Variants in ADCY1 observed in about 807,000 individuals in gnomAD.
ADCY1 encodes the protein adenylate cyclase 1.
ADCY1 carries 28 observed loss-of-function variants against 105.4 expected under a neutral mutation model. The observed-to-expected ratio is 0.27, with a 90% CI of 0.20 to 0.36. The LOEUF (loss-of-function observed/expected upper bound fraction) is 0.36. Ranked by LOEUF, ADCY1 falls within the 10% of genes least tolerant of loss-of-function variation. The probability of loss-of-function intolerance (pLI) is 1.00; values close to 1 mark genes in which losing one functional copy is unlikely to be tolerated. For synonymous variants in ADCY1, 655 were observed against 623.8 expected (o/e 1.05, Z -0.75); for missense variants, 977 against 1,434.2 (o/e 0.68, Z 5.15).
Position 45,714,007 on chromosome 7 carries a change from T to C in ADCY1, c.*12T>C. The C allele has an allele frequency of 1.3e-6, 1 of 768,060 alleles. No homozygotes were observed. The highest frequency in any genetic ancestry group is 2.4e-6 in the Non-Finnish European group (1 of 410,592). 47.6% of individuals were successfully genotyped at this position (768,060 alleles called of 1,614,324 possible). On this transcript the variant is annotated 3_prime_UTR_variant, in exon 20 of 20. Transcript: ENST00000297323. Reference sequence around the variant, plus strand: ...GGAAGGAGGCTTAGTGGAGCCCACGTGGGCCTCTGGGGTGCACATGGGGTG... The same window carrying C: ...GGAAGGAGGCTTAGTGGAGCCCACGCGGGCCTCTGGGGTGCACATGGGGTG...
rs2116306241 is a variant in ADCY1 at position 45,720,013 on chromosome 7, G to C, written c.*6018G>C. The C allele has an allele frequency of 6.6e-6, 1 of 151,834 alleles. No homozygotes were observed. Among genetic ancestry groups the C allele is most frequent in the East Asian group, 1.9e-4 (1 of 5,170 alleles). 9.4% of individuals were successfully genotyped at this position (151,834 alleles called of 1,614,324 possible). On this transcript the variant is annotated 3_prime_UTR_variant, in exon 20 of 20. Transcript: ENST00000297323. Reference sequence around the variant, plus strand: ...GGGTTCTCGGTGTGCAGAGGCTGTAGAGAGAGCCTCAGGGCGGTGACCGCT... The same window carrying C: ...GGGTTCTCGGTGTGCAGAGGCTGTACAGAGAGCCTCAGGGCGGTGACCGCT...
intron 12 of ADCY1, 127 bp from the exon 13 acceptor site, chr7:45,685,835 A>G: frequency 8.3e-7 from 1 of 1,203,884 alleles, no homozygotes; most frequent in Non-Finnish European, 1.1e-6. Flanking sequence ...GCTTGGTGTG[A>G]TAGCACTGGG....
At chr7:45,711,941 A>AAATATATTATATATTATATTAAATATAT in intron 19 of ADCY1, among the ~76,000 whole-genome samples, 1 of 111,618 alleles carries the variant, frequency 9.0e-6, no homozygotes, top group Non-Finnish European at 1.7e-5. Flanking sequence ...TTAAATATAT[A>AAATATATTATATATTATATTAAATATAT]AATACATATT....
intron 2 of ADCY1, among the ~76,000 whole-genome samples, chr7:45,607,383 A>G (rs2115846914): frequency 6.6e-6 from 1 of 151,928 alleles, no homozygotes. Context: ...TCTGGCTGTT[A>G]TGACTGTGTT....
chr7:45,694,465 C>A (rs1784844764), intron 14 of ADCY1, among the ~76,000 whole-genome samples: 1 of 152,070 alleles, frequency 6.6e-6, no homozygotes, highest in Non-Finnish European at 1.5e-5. Flanking sequence ...TCAGCTAAAG[C>A]AGTACTTGGA....
rs180849103 is a variant in ADCY1 at position 45,681,310 on chromosome 7, G to A, written c.1983+1517G>A. Among the ~76,000 whole-genome samples, 13 of 152,274 alleles carry A rather than the reference G, an allele frequency of 8.5e-5. No individual in the cohort carries two copies. The East Asian group carries it at 2.3e-3, about 27-fold the overall frequency. ...TGCTGACATTAAAGGAGGCTAGCCT[G>A]CAGTTATCCCATGAAGCTTCTTCTG... is the stretch of plus-strand genomic sequence containing the variant. On this transcript the variant is annotated intron_variant, in intron 11 of 19. Coordinates refer to ENST00000297323, the MANE Select transcript of ADCY1 (RefSeq NM_021116.4).
chr7:45,665,187 TAATC>T (rs1287459944), intron 8 of ADCY1, among the ~76,000 whole-genome samples: 2 of 152,266 alleles, frequency 1.3e-5, no homozygotes, highest in Non-Finnish European at 2.9e-5. Context: ...ACCATTTACT[TAATC>T]AACCTCCATT....
At chr7:45,642,219 A>G (rs904720514) in intron 4 of ADCY1, among the ~76,000 whole-genome samples, 6 of 152,108 alleles carry the variant, frequency 3.9e-5, no homozygotes, top group African/African-American at 1.2e-4. Context: ...GTTTCAGGGT[A>G]AGGAAGGGGT....
intron 1 of ADCY1, among the ~76,000 whole-genome samples, 172 bp from the exon 2 acceptor site, chr7:45,592,587 T>C (rs984940913): frequency 1.3e-5 from 2 of 152,084 alleles, no homozygotes; most frequent in African/African-American, 4.8e-5. Flanking sequence ...CCGGACAGGG[T>C]GAGGACGAGC....
At position 45,710,950 on chromosome 7, in the gene ADCY1, C is replaced by T. The variant is rs561904563; in HGVS notation, c.3057+298C>T. Reference sequence around the variant, plus strand: ...AGCAGCCTGGTGGCTCTCATTCACTCTGCACATCCCAGGACTCCGGACTCC... The same window carrying T: ...AGCAGCCTGGTGGCTCTCATTCACTTTGCACATCCCAGGACTCCGGACTCC... On this transcript the variant is annotated intron_variant, in intron 19 of 19. Coordinates refer to ENST00000297323, the MANE Select transcript of ADCY1 (RefSeq NM_021116.4). The surrounding 1 kb of genome is among the most constrained non-coding windows in gnomAD (Gnocchi z 4.7). Among the ~76,000 whole-genome samples, 9 of 152,264 alleles carry T rather than the reference C, an allele frequency of 5.9e-5. No homozygotes were observed. The South Asian group carries it at 1.7e-3, about 28-fold the overall frequency.
At chr7:45,605,704 A>G (rs1793355367) in intron 2 of ADCY1, among the ~76,000 whole-genome samples, 1 of 152,170 alleles carries the variant, frequency 6.6e-6, no homozygotes, top group Admixed American at 6.6e-5. Context: ...GCTATCTTGT[A>G]AAAGACTTTT....
chr7:45,673,964 C>CATATATATATATAT (rs58025464), intron 8 of ADCY1, among the ~76,000 whole-genome samples: 4 of 115,142 alleles, frequency 3.5e-5, no homozygotes, highest in African/African-American at 8.1e-5. Flanking sequence ...TTCAGATGAG[C>CATATATATATATAT]ATATATATAT....
At position 45,592,040 on chromosome 7, in the gene ADCY1, G is replaced by C. The variant is rs575340161; in HGVS notation, c.640-719G>C. 7.3e-5 allele frequency among the ~76,000 whole-genome samples: 11 copies of C among 150,846 alleles called. No individual in the cohort carries two copies. The South Asian group carries it at 1.9e-3, about 26-fold the overall frequency. ...GTGTCCCCAAATCAACATCTGGGCT[G>C]TTTTCGTTTTTTGTTTTTTTTTTTT... On this transcript the variant is annotated intron_variant, in intron 1 of 19. Transcript: ENST00000297323.
intron 19 of ADCY1, among the ~76,000 whole-genome samples, chr7:45,712,783 G>C (rs1475936053): frequency 6.6e-6 from 1 of 152,180 alleles, no homozygotes; most frequent in African/African-American, 2.4e-5. Context: ...AGAGATACCA[G>C]TCATGTCCTC....
intron 14 of ADCY1, among the ~76,000 whole-genome samples, chr7:45,700,538 G>T (rs994264263): frequency 1.3e-5 from 2 of 152,194 alleles, no homozygotes; most frequent in Non-Finnish European, 2.9e-5. Context: ...CGCAAAGAGG[G>T]GTGTGTGCAC....
In ADCY1 at chr7:45,574,983, G is replaced by C. The variant is rs761877943; in HGVS notation, c.440G>C (p.Arg147Pro). The C allele has an allele frequency of 1.9e-6, 3 of 1,610,944 alleles. No homozygotes were observed. The highest frequency in any genetic ancestry group is 2.2e-5 in the East Asian group (1 of 44,820). ...CCPFALGGPA[R>P]GSAGAAGGPA... ...CCTTTCGCGCTGGGCGGCCCCGCCC[G>C]GGGTTCCGCCGGGGCCGCTGGGGGG... Residue 147 changes from arginine (R) to proline (P), a missense_variant, in exon 1 of 20, where the codon CGG becomes CCG. Physicochemically the swap from Arg to Pro is moderately radical, Grantham distance 103. Transcript: ENST00000297323. The surrounding 1 kb of genome is among the most constrained non-coding windows in gnomAD (Gnocchi z 7.0).
chr7:45,619,869 C>T (rs1026750738), intron 3 of ADCY1, among the ~76,000 whole-genome samples: 10 of 152,140 alleles, frequency 6.6e-5, no homozygotes, highest in Admixed American at 6.5e-5. Context: ...CTCACATACA[C>T]GTAGCTATGC....
intron 8 of ADCY1, among the ~76,000 whole-genome samples, chr7:45,666,381 C>A (rs569035424): frequency 6.6e-6 from 1 of 152,086 alleles, no homozygotes; most frequent in Non-Finnish European, 1.5e-5. Flanking sequence ...TGAGAACATG[C>A]GGTGTTTGGT....
intron 14 of ADCY1, among the ~76,000 whole-genome samples, chr7:45,690,034 T>C (rs1362468740): frequency 6.6e-6 from 1 of 152,070 alleles, no homozygotes; most frequent in Non-Finnish European, 1.5e-5. Context: ...TCTCCAAAGG[T>C]GGTCTGACAA....
Sources: gnomAD v4.1 joint callset for allele counts (sites outside exome capture counted in the v4.1 genomes callset) on GRCh38, gnomAD v4.1.1 for gene constraint, Gnocchi (gnomAD v3.1) non-coding constraint, MANE v1.5 for transcripts, NCBI Gene and HGNC (gene_info 2026-07-23, HGNC 2026-07-21) for gene names.